The following CLIP1 variants were observed in gnomAD, a reference collection of about 807,000 sequenced individuals.
CLIP1 encodes CAP-Gly domain-containing linker protein 1.
Under a neutral mutation model 161.6 loss-of-function variants are expected in CLIP1, and 66 were observed. The observed-to-expected ratio is 0.41, with a 90% CI of 0.33 to 0.50. CLIP1 has a LOEUF of 0.50. Ranked by LOEUF, CLIP1 falls within the 20% of genes least tolerant of loss-of-function variation. CLIP1 has a pLI of 0.27. For missense variants in CLIP1, 1,376 were observed against 1,702.0 expected (o/e 0.81, Z 3.37); for synonymous variants, 598 against 626.2 (o/e 0.96, Z 0.67).
rs116651807 is a variant in CLIP1, at chr12:122,302,610, A to G, written c.3594+7152T>C. ...TACTTACACACACGCACACACACAT[A>G]TATTTGAGACAGAATCTTGCTCTGT... On this transcript the variant is annotated intron_variant, in intron 20 of 25. Transcript: ENST00000620786. Among the ~76,000 whole-genome samples the G allele has an allele frequency of 2.0e-3, 307 of 151,788 alleles. 2 individuals are homozygous for G. Among genetic ancestry groups the G allele is most frequent in the African/African-American group, 6.5e-3 (267 of 41,380 alleles).
chr12:122,365,748 C>A, intron 3 of CLIP1: 1 of 615,198 alleles, frequency 1.6e-6, no homozygotes, highest in Admixed American at 3.0e-5. Flanking sequence ...TGGTTCATGC[C>A]TGTAATCTCA....
chr12:122,412,065 T>C (rs1021344503), intron 1 of CLIP1, among the ~76,000 whole-genome samples: 10 of 144,058 alleles, frequency 6.9e-5, no homozygotes, highest in East Asian at 6.0e-4. Context: ...ATTTTCTTTT[T>C]TTTTTTTTTT....
chr12:122,410,313 A>G (rs561289762), intron 1 of CLIP1, among the ~76,000 whole-genome samples: 5 of 152,182 alleles, frequency 3.3e-5, no homozygotes, highest in South Asian at 2.1e-4. Context: ...TGCTAAATAT[A>G]GAAACTAAAA....
intron 1 of CLIP1, among the ~76,000 whole-genome samples, chr12:122,381,907 C>G (rs1412747336): frequency 6.6e-6 from 1 of 152,174 alleles, no homozygotes; most frequent in Non-Finnish European, 1.5e-5. Context: ...TTGGTAGGCC[C>G]AAAACCCAAT....
chr12:122,273,542 G>A (rs374486877), intron 25 of CLIP1, among the ~76,000 whole-genome samples: 6 of 151,290 alleles, frequency 4.0e-5, no homozygotes, highest in South Asian at 2.1e-4. Flanking sequence ...TGGCCACCAC[G>A]CCAGCCTCAC....
chr12:122,286,552 A>G (rs1052752490), intron 21 of CLIP1, among the ~76,000 whole-genome samples: 6 of 140,132 alleles, frequency 4.3e-5, no homozygotes, highest in Admixed American at 2.8e-4. Context: ...AAAAAAAAAA[A>G]GTAGACAAAG....
At chr12:122,287,925 T>TA in intron 21 of CLIP1, among the ~76,000 whole-genome samples, 1 of 152,290 alleles carries the variant, frequency 6.6e-6, no homozygotes, top group East Asian at 1.9e-4. Context: ...AACAGTGGTG[T>TA]AACATGAGAC....
Position 122,417,126 on chromosome 12 carries a change from G to A in CLIP1, c.-107+5395C>T, listed in dbSNP as rs139511504. ...AGCCTGGCCAACATGGTGAAACCCCGTCTCTACTAAAAATACAAAAATTAG... is the reference window on the plus strand; with the variant it reads ...AGCCTGGCCAACATGGTGAAACCCCATCTCTACTAAAAATACAAAAATTAG... On this transcript the variant is annotated intron_variant, in intron 1 of 25. Coordinates refer to ENST00000620786, the MANE Select transcript of CLIP1 (RefSeq NM_001247997.2). Among the ~76,000 whole-genome samples, 152 of 151,418 alleles carry A rather than the reference G, an allele frequency of 1.0e-3. 3 individuals carry two copies. In the East Asian group the frequency reaches 0.027, roughly 27 times the overall value.
rs1255908939 is a variant in CLIP1, at chr12:122,352,768, C to T, written c.1326G>A (p.Gln442=). The T allele has an allele frequency of 6.2e-7, 1 of 1,614,002 alleles. No homozygotes were observed. The highest frequency in any genetic ancestry group is 1.1e-5 in the South Asian group (1 of 91,072). Residue 442 remains glutamine (Q), a synonymous_variant, in exon 8 of 26, where the codon CAG becomes CAA. Coordinates refer to ENST00000620786, the MANE Select transcript of CLIP1 (RefSeq NM_001247997.2). The part of the protein sequence containing the change: ...EEEKRKVEDL[Q]FRVEEESITK... ...TAATTGATTCTTCTTCAACCCGGAA[C>T]TGAAGGTCCTCAACCTTCCTGTGGA... is the stretch of plus-strand genomic sequence containing the variant.
At chr12:122,351,713 A>C (rs1024445191) in intron 8 of CLIP1, among the ~76,000 whole-genome samples, 18 of 152,222 alleles carry the variant, frequency 1.2e-4, no homozygotes, top group African/African-American at 4.1e-4. Context: ...AAAGAACTAC[A>C]AATCTGGAAA....
chr12:122,296,433 G>A (rs192824620), intron 20 of CLIP1, among the ~76,000 whole-genome samples: 2 of 152,314 alleles, frequency 1.3e-5, no homozygotes, highest in East Asian at 1.9e-4. Flanking sequence ...CAAAAACAAT[G>A]TGTGCATATA....
intron 1 of CLIP1, chr12:122,400,080 G>T (rs1956089454): frequency 6.6e-6 from 1 of 152,222 alleles, no homozygotes; most frequent in African/African-American, 2.4e-5. Context: ...CCCCAACACA[G>T]GAGATGCAGT....
intron 1 of CLIP1, among the ~76,000 whole-genome samples, chr12:122,393,781 G>A (rs1041147574): frequency 2.0e-5 from 3 of 151,514 alleles, no homozygotes; most frequent in Non-Finnish European, 2.9e-5. Flanking sequence ...GTGTGGTGGT[G>A]CGCACCAGTA....
intron 1 of CLIP1, among the ~76,000 whole-genome samples, chr12:122,386,444 G>A (rs1167158386): frequency 6.6e-6 from 1 of 152,196 alleles, no homozygotes; most frequent in East Asian, 1.9e-4. Context: ...AAGAGACAGT[G>A]AGTCCGTGGA....
chr12:122,318,493 A>G (rs1026332805), intron 18 of CLIP1, among the ~76,000 whole-genome samples: 1 of 152,162 alleles, frequency 6.6e-6, no homozygotes, highest in African/African-American at 2.4e-5. Flanking sequence ...AGATCATGCC[A>G]TTGCACAACA....
chr12:122,312,031 A>G (rs1242151988), intron 19 of CLIP1, among the ~76,000 whole-genome samples: 4 of 152,230 alleles, frequency 2.6e-5, no homozygotes, highest in African/African-American at 4.8e-5. Flanking sequence ...TACTCAAGGA[A>G]TGATTTTCAA....
rs145540940 is a variant in CLIP1 at position 122,309,758 on chromosome 12, T to C, written c.3594+4A>G. 35 of 1,612,094 alleles carry C rather than the reference T, an allele frequency of 2.2e-5. No individual in the cohort carries two copies. In the East Asian group the frequency reaches 6.9e-4, roughly 32 times the overall value. On this transcript the variant is annotated splice_donor_region_variant and intron_variant, in intron 20 of 25. Coordinates refer to ENST00000620786, the MANE Select transcript of CLIP1 (RefSeq NM_001247997.2). Reference sequence around the variant, plus strand: ...GCTGGAACCCCTCGCCAAAGGACACTGACCTTTTGATGACTTGTGACTTCG... The same window carrying C: ...GCTGGAACCCCTCGCCAAAGGACACCGACCTTTTGATGACTTGTGACTTCG...
chr12:122,416,328 A>G (rs906792321), intron 1 of CLIP1, among the ~76,000 whole-genome samples: 1 of 152,186 alleles, frequency 6.6e-6, no homozygotes, highest in African/African-American at 2.4e-5. Flanking sequence ...TGCCATTGCC[A>G]AGGTATTCTG....
intron 20 of CLIP1, among the ~76,000 whole-genome samples, chr12:122,295,129 GA>G (rs1408048163): frequency 1.3e-5 from 2 of 152,042 alleles, no homozygotes; most frequent in Non-Finnish European, 1.5e-5. Context: ...TTCTCTTTGG[GA>G]GGCTGAGATG....
Sources: gnomAD v4.1 joint callset for allele counts (sites outside exome capture counted in the v4.1 genomes callset) on GRCh38, gnomAD v4.1.1 for gene constraint, MANE v1.5 for transcripts, NCBI Gene and HGNC (gene_info 2026-07-23, HGNC 2026-07-21) for gene names.